PLAGL1: variants seen among roughly 807,000 people sequenced by gnomAD.
The protein encoded by PLAGL1 is PLAG1 like zinc finger 1.
In PLAGL1, 1 loss-of-function variant was observed where a neutral mutation model predicts 4.6. The ratio of observed to expected loss-of-function variants is 0.22; its 90% CI spans 0.08 to 1.03. PLAGL1 has a LOEUF of 1.03. Ranked by LOEUF, PLAGL1 falls within the 50% of genes least tolerant of loss-of-function variation. The pLI is 0.58. For synonymous variants in PLAGL1, 240 were observed against 237.8 expected (o/e 1.01, Z -0.08); for missense variants, 464 against 570.4 (o/e 0.81, Z 1.90).
chr6:143,998,164 A>C (rs545602533), intron 1 of PLAGL1, among the ~76,000 whole-genome samples: 1 of 152,236 alleles, frequency 6.6e-6, no homozygotes, highest in Non-Finnish European at 1.5e-5. Context: ...AAAACTTGGA[A>C]GGAAAGTCCA....
chr6:143,942,424 C>T lies in PLAGL1; in HGVS notation c.392G>A (p.Ser131Asn), dbSNP rs1245800395. The change falls in exon 8 of 8, where the codon AGC becomes AAC. Residue 131 changes from serine to asparagine, a missense_variant. Physicochemically the swap from Ser to Asn is conservative, Grantham distance 46. Transcript: ENST00000674357. This position sits in a 1 kb window ranked among gnomAD's most constrained non-coding sequence, Gnocchi z 7.6. ...GAGGTGGTCCAGTAGCACCTCGGTG[C>T]TCCCTAGCTCCAGGGCACAGACCCC... ...TCGVCALELG[S>N]TEVLLDHLKA... 6 of 1,614,026 alleles carry T rather than the reference C, an allele frequency of 3.7e-6. No homozygotes were observed. The highest frequency in any genetic ancestry group is 5.1e-6 in the Non-Finnish European group (6 of 1,180,010).
Position 144,056,005 on chromosome 6 carries a change from A to G in PLAGL1, c.-151+8463T>C, listed in dbSNP as rs1290584529. Among the ~76,000 whole-genome samples, 1 of 152,160 alleles carries G rather than the reference A, an allele frequency of 6.6e-6. No homozygotes were observed. The highest frequency in any genetic ancestry group is 1.5e-5 in the Non-Finnish European group (1 of 68,008). On this transcript the variant is annotated intron_variant, in intron 1 of 3. Transcript: ENST00000437412. This position sits in a 1 kb window ranked among gnomAD's most constrained non-coding sequence, Gnocchi z 4.7. Reference sequence around the variant, plus strand: ...TAATGATATATCAGAAGTTCAACATATAAGACAGAAGTACCACAGAGAAGT... The same window carrying G: ...TAATGATATATCAGAAGTTCAACATGTAAGACAGAAGTACCACAGAGAAGT...
In PLAGL1 at chr6:143,962,060, G is replaced by C. The variant is rs905328256; in HGVS notation, c.-398-1518C>G. The stretch of plus-strand genomic sequence containing the variant: ...GCTGTTCAATGTAAGCAGCACTCGT[G>C]AAAGAGGAGAACTCTGGCAGGGAGG... On this transcript the variant is annotated intron_variant, in intron 5 of 7. Coordinates refer to ENST00000674357, the MANE Select transcript of PLAGL1 (RefSeq NM_001317162.2). This position sits in a 1 kb window ranked among gnomAD's most constrained non-coding sequence, Gnocchi z 5.3. Among the ~76,000 whole-genome samples the C allele has an allele frequency of 1.3e-5, 2 of 152,210 alleles. No homozygotes were observed. The highest frequency in any genetic ancestry group is 2.9e-5 in the Non-Finnish European group (2 of 68,046).
chr6:144,001,966 T>A (rs190157690), intron 1 of PLAGL1, among the ~76,000 whole-genome samples: 1 of 152,084 alleles, frequency 6.6e-6, no homozygotes, highest in Non-Finnish European at 1.5e-5. Flanking sequence ...CTAAACACCA[T>A]GTGGTATATG....
At chr6:144,044,235 G>T (rs891449701) in intron 1 of PLAGL1, among the ~76,000 whole-genome samples, 8 of 151,996 alleles carry the variant, frequency 5.3e-5, no homozygotes, top group Admixed American at 2.0e-4. Context: ...GAATTTGTTT[G>T]CTCTTGCTTC....
rs2128552795 is a variant in PLAGL1, at chr6:143,959,433, C to T, written c.-325+1036G>A. Reference sequence around the variant, plus strand: ...ATACAGGCAAGACGCTCCCCCACCCCACCCCAACTCCCAGCCCTAACTAGA... The same window carrying T: ...ATACAGGCAAGACGCTCCCCCACCCTACCCCAACTCCCAGCCCTAACTAGA... On this transcript the variant is annotated intron_variant, in intron 6 of 7. Coordinates refer to ENST00000674357, the MANE Select transcript of PLAGL1 (RefSeq NM_001317162.2). The surrounding 1 kb of genome is among the most constrained non-coding windows in gnomAD (Gnocchi z 5.3). 6.6e-6 allele frequency among the ~76,000 whole-genome samples: 1 copy of T among 152,302 alleles called. No individual in the cohort carries two copies. Among genetic ancestry groups the T allele is most frequent in the Non-Finnish European group, 1.5e-5 (1 of 68,020 alleles).
rs1250141709 is a variant in PLAGL1 at position 143,984,671 on chromosome 6, T to C, written c.-544+464A>G. Among the ~76,000 whole-genome samples the C allele has an allele frequency of 6.6e-6, 1 of 152,148 alleles. No individual in the cohort carries two copies. On this transcript the variant is annotated intron_variant, in intron 2 of 7. Transcript: ENST00000674357. The surrounding 1 kb of genome is among the most constrained non-coding windows in gnomAD (Gnocchi z 5.5). ...ATATTCTCCTCTCCTGCTAAGATGA[T>C]GAAAAACAAAACCATCTCAGAAAAT...
intron 2 of PLAGL1, among the ~76,000 whole-genome samples, chr6:143,969,407 C>T (rs1180859797): frequency 2.0e-5 from 3 of 152,190 alleles, no homozygotes; most frequent in Admixed American, 6.5e-5. Flanking sequence ...ATGCTTGACA[C>T]TGTCTGGTAA....
chr6:144,062,493 A>AAAC (rs1562625494), intron 1 of PLAGL1, among the ~76,000 whole-genome samples: 2 of 144,534 alleles, frequency 1.4e-5, no homozygotes, highest in Non-Finnish European at 3.0e-5. Context: ...AAAAAAAAAA[A>AAAC]AACACAGATT....
rs933992006 is a variant in PLAGL1 at position 144,055,855 on chromosome 6, TCA to T, written c.-151+8611_-151+8612del. Among the ~76,000 whole-genome samples the T allele has an allele frequency of 6.6e-6, 1 of 152,144 alleles. No homozygotes were observed. The highest frequency in any genetic ancestry group is 2.4e-5 in the African/African-American group (1 of 41,432). On this transcript the variant is annotated intron_variant, in intron 1 of 3. Coordinates refer to the PLAGL1 transcript ENST00000437412. This position sits in a 1 kb window ranked among gnomAD's most constrained non-coding sequence, Gnocchi z 5.0. ...CACTGTCTTTCTTTGGGTACTACAT[TCA>T]CACACACAGAGAGATTCATGTTCCA...
In PLAGL1 at chr6:143,953,915, C is replaced by A. The variant is rs1781561026; in HGVS notation, c.-324-5455G>T. 6.6e-6 allele frequency among the ~76,000 whole-genome samples: 1 copy of A among 152,186 alleles called. No homozygotes were observed. On this transcript the variant is annotated intron_variant, in intron 6 of 7. Coordinates refer to ENST00000674357, the MANE Select transcript of PLAGL1 (RefSeq NM_001317162.2). This position sits in a 1 kb window ranked among gnomAD's most constrained non-coding sequence, Gnocchi z 5.3. ...GTCTGTTAGTGAAGCACTGAGCCCT[C>A]CTGACCTCTCCTGATGCCTGCAGTG...
chr6:144,055,156 A>G lies in PLAGL1; in HGVS notation c.-151+9312T>C, dbSNP rs994251309. Among the ~76,000 whole-genome samples the G allele has an allele frequency of 6.6e-5, 10 of 152,228 alleles. No homozygotes were observed. The highest frequency in any genetic ancestry group is 4.1e-4 in the South Asian group (2 of 4,834). ...TATTTTGAAAAAGAAATGTCTAATG[A>G]GCACGGAGAGGCATATCCACAGATA... On this transcript the variant is annotated intron_variant, in intron 1 of 3. Coordinates refer to the PLAGL1 transcript ENST00000437412. This position sits in a 1 kb window ranked among gnomAD's most constrained non-coding sequence, Gnocchi z 5.0.
At chr6:144,044,014 A>C (rs1021443144) in intron 1 of PLAGL1, among the ~76,000 whole-genome samples, 1 of 152,178 alleles carries the variant, frequency 6.6e-6, no homozygotes, top group Admixed American at 6.5e-5. Context: ...CCGTGGGATC[A>C]TTGGTGATAT....
chr6:143,945,760 C>T lies in PLAGL1; in HGVS notation c.152+2225G>A, dbSNP rs2284712. Among the ~76,000 whole-genome samples the T allele has an allele frequency of 6.6e-6, 1 of 152,194 alleles. No individual in the cohort carries two copies. Among genetic ancestry groups the T allele is most frequent in the South Asian group, 2.1e-4 (1 of 4,812 alleles). On this transcript the variant is annotated intron_variant, in intron 7 of 7. Transcript: ENST00000674357. The surrounding 1 kb of genome is among the most constrained non-coding windows in gnomAD (Gnocchi z 4.2). Reference sequence around the variant, plus strand: ...AAAGTGCTGGGATTACAGGCATCATCTTTTTTTTAAAAGCAAAACCGAAAG... The same window carrying T: ...AAAGTGCTGGGATTACAGGCATCATTTTTTTTTTAAAAGCAAAACCGAAAG...
intron 2 of PLAGL1, among the ~76,000 whole-genome samples, chr6:143,977,083 T>TCCCCCCCCCCCCCCCCCCCCCCC (rs55975019): frequency 7.3e-6 from 1 of 136,918 alleles, no homozygotes; most frequent in Non-Finnish European, 1.6e-5. Flanking sequence ...TATACTCCCT[T>TCCCCCCCCCCCCCCCCCCCCCCC]CCCCCCCCCC....
At chr6:144,057,569 C>T (rs1054255055) in intron 1 of PLAGL1, among the ~76,000 whole-genome samples, 2 of 152,126 alleles carry the variant, frequency 1.3e-5, no homozygotes, top group Non-Finnish European at 2.9e-5. Flanking sequence ...CCAATGTACT[C>T]GAAAGATTCC....
Position 144,027,275 on chromosome 6 carries a change from G to GAAAGAAAGAAAGAAAGAAAGAAA in PLAGL1, c.-151+37192_-151+37193insTTTCTTTCTTTCTTTCTTTCTTT, listed in dbSNP as rs1796437001. 6.8e-6 allele frequency among the ~76,000 whole-genome samples: 1 copy of GAAAGAAAGAAAGAAAGAAAGAAA among 146,312 alleles called. No individual in the cohort carries two copies. The highest frequency in any genetic ancestry group is 2.5e-5 in the African/African-American group (1 of 39,974). On this transcript the variant is annotated intron_variant, in intron 1 of 3. Coordinates refer to the PLAGL1 transcript ENST00000437412. The surrounding 1 kb of genome is among the most constrained non-coding windows in gnomAD (Gnocchi z 5.8). ...AGAAAGAAAGAAAGAAAGAAAGAAA[G>GAAAGAAAGAAAGAAAGAAAGAAA]AAAGAAAGAAAGAAAGAAAGTTATT...
chr6:143,946,345 T>C (rs1649763492), intron 7 of PLAGL1, among the ~76,000 whole-genome samples: 3 of 152,234 alleles, frequency 2.0e-5, no homozygotes, highest in Admixed American at 6.5e-5. Flanking sequence ...GCAGTTTTAG[T>C]GTCCTCACTG....
rs1788521141 is a variant in PLAGL1 at position 143,984,089 on chromosome 6, A to G, written c.-544+1046T>C. Among the ~76,000 whole-genome samples the G allele has an allele frequency of 6.6e-6, 1 of 152,184 alleles. No homozygotes were observed. Among genetic ancestry groups the G allele is most frequent in the South Asian group, 2.1e-4 (1 of 4,834 alleles). On this transcript the variant is annotated intron_variant, in intron 2 of 7. Transcript: ENST00000674357. The surrounding 1 kb of genome is among the most constrained non-coding windows in gnomAD (Gnocchi z 5.5). ...TAAATTTTTATGTTGTCTTATAACT[A>G]TATTTATAATAATGATTTAGGCCTA...
Sources: gnomAD v4.1 joint callset for allele counts (sites outside exome capture counted in the v4.1 genomes callset) on GRCh38, gnomAD v4.1.1 for gene constraint, Gnocchi (gnomAD v3.1) non-coding constraint, MANE v1.5 for transcripts, NCBI Gene and HGNC (gene_info 2026-07-23, HGNC 2026-07-21) for gene names.